NCOR2: variants seen among roughly 807,000 people sequenced by gnomAD.
The protein encoded by NCOR2 is nuclear receptor corepressor 2.
In NCOR2, 81 loss-of-function variants were observed where a neutral mutation model predicts 262.9. The observed-to-expected ratio is 0.31, with a 90% CI of 0.26 to 0.37. NCOR2 has a LOEUF of 0.37. NCOR2 is among the 10% of genes least tolerant of loss of function. The pLI is 1.00. For synonymous variants in NCOR2, 1,659 were observed against 1,559.3 expected (o/e 1.06, Z -1.51); for missense variants, 3,385 against 3,621.4 (o/e 0.93, Z 1.68).
At chr12:124,502,906 G>A (rs1379378307) in intron 1 of NCOR2, among the ~76,000 whole-genome samples, 1 of 152,178 alleles carries the variant, frequency 6.6e-6, no homozygotes, top group African/African-American at 2.4e-5. Flanking sequence ...AGAGAAACGG[G>A]CCTCCACCCA....
rs997715046 is a variant in NCOR2, at chr12:124,437,878, G to A, written c.882+52C>T. 4.8e-5 allele frequency: 75 copies of A among 1,556,748 alleles called. No homozygotes were observed. The African/African-American group carries it at 7.7e-4, about 16-fold the overall frequency. On this transcript the variant is annotated intron_variant, in intron 8 of 46. Transcript: ENST00000405201. ...GGCAGGTGTGGCCCCCTGTGCGCTC[G>A]ATTCTCCCCAGATCTCAAGGAAAGC...
rs753999479 is a variant in NCOR2 at position 124,335,624 on chromosome 12, C to G, written c.6124G>C (p.Gly2042Arg). 3.1e-6 allele frequency: 5 copies of G among 1,600,852 alleles called. No individual in the cohort carries two copies. In the African/African-American group the frequency reaches 4.0e-5, roughly 13 times the overall value. The change falls in exon 39 of 47, where the codon GGC becomes CGC. Residue 2042 changes from glycine (G) to arginine (R), a missense_variant. Physicochemically the swap from Gly to Arg is moderately radical, Grantham distance 125. Coordinates refer to ENST00000405201, the Ensembl canonical transcript of NCOR2. Reference sequence around the variant, plus strand: ...ACCCCTTCGGGGCTGTAGCTGCTGCCGTGGTAACCTAGGGCAGGCGGGGGG... The same window carrying G: ...ACCCCTTCGGGGCTGTAGCTGCTGCGGTGGTAACCTAGGGCAGGCGGGGGG...
chr12:124,458,313 A>G (rs1354369683), intron 5 of NCOR2, among the ~76,000 whole-genome samples: 5 of 152,216 alleles, frequency 3.3e-5, no homozygotes, highest in Admixed American at 3.3e-4. Context: ...CCCGGGCTGC[A>G]GCAGAGAGAG....
Position 124,457,071 on chromosome 12 carries a change from C to T in NCOR2, c.762+35G>A. 7.3e-7 allele frequency: 1 copy of T among 1,374,464 alleles called. No homozygotes were observed. Among genetic ancestry groups the T allele is most frequent in the Non-Finnish European group, 9.8e-7 (1 of 1,021,866 alleles). The allele number at this position is 1,374,464 out of a possible 1,614,324, so 85.1% of individuals were successfully genotyped here. ...GCCCACCTCTCCAGCCACCCCCGCCCTCCCCTGAGCCCCTGACCCTGTACC... is the reference window on the plus strand; with the variant it reads ...GCCCACCTCTCCAGCCACCCCCGCCTTCCCCTGAGCCCCTGACCCTGTACC... On this transcript the variant is annotated intron_variant, in intron 6 of 46. Coordinates refer to ENST00000405201, the Ensembl canonical transcript of NCOR2. The surrounding 1 kb of genome is among the most constrained non-coding windows in gnomAD (Gnocchi z 4.0).
chr12:124,466,424 G>A (rs2046421478), intron 4 of NCOR2, 138 bp from the exon 7 acceptor site: 6 of 716,978 alleles, frequency 8.4e-6, no homozygotes, highest in Non-Finnish European at 1.4e-5. Context: ...CACATTTCCT[G>A]TGAGTCACCC....
chr12:124,491,372 T>C (rs1352207742), intron 1 of NCOR2, among the ~76,000 whole-genome samples: 2 of 152,244 alleles, frequency 1.3e-5, no homozygotes, highest in Non-Finnish European at 2.9e-5. Context: ...CTTAAAACTA[T>C]CCTTGCTCAA....
intron 8 of NCOR2, among the ~76,000 whole-genome samples, chr12:124,434,892 G>C (rs781584813): frequency 6.6e-6 from 1 of 152,210 alleles, no homozygotes; most frequent in Non-Finnish European, 1.5e-5. Flanking sequence ...TGGGTATATA[G>C]ATGTGCCTTG....
intron 22 of NCOR2, among the ~76,000 whole-genome samples, chr12:124,359,903 C>T (rs548186255): frequency 5.3e-4 from 81 of 152,326 alleles, no homozygotes; most frequent in Non-Finnish European, 7.6e-4. Context: ...TGTGTCCCTG[C>T]GGGAGCTGAG....
chr12:124,487,332 G>A (rs1487510963), intron 1 of NCOR2, among the ~76,000 whole-genome samples: 1 of 152,204 alleles, frequency 6.6e-6, no homozygotes, highest in Non-Finnish European at 1.5e-5. Flanking sequence ...TGACCCCAAG[G>A]CCGCCCTGTA....
At chr12:124,374,307 A>C in intron 19 of NCOR2, 106 bp downstream of exon 21, 1 of 1,166,604 alleles carries the variant, frequency 8.6e-7, no homozygotes, top group Non-Finnish European at 1.3e-6. Context: ...GCGCTCACAG[A>C]AAGAGGCATG....
At chr12:124,540,287 G>C (rs529461564), upstream of NCOR2, among the ~76,000 whole-genome samples, 1 of 149,666 alleles carries the variant, frequency 6.7e-6, no homozygotes, top group Admixed American at 6.7e-5. Context: ...ACAGAGGGCC[G>C]AGGAACAGGT....
chr12:124,336,761 C>A, exon 38 of NCOR2: 1 of 1,613,086 alleles, frequency 6.2e-7, no homozygotes, highest in Non-Finnish European at 8.5e-7. Context: ...ACCCAGAGAA[C>A]GGAGTTCCAG....
chr12:124,516,556 G>A (rs535717374), intron 1 of NCOR2, among the ~76,000 whole-genome samples: 1 of 152,244 alleles, frequency 6.6e-6, no homozygotes, highest in South Asian at 2.1e-4. Flanking sequence ...AATTACGGAG[G>A]CCCACCCAGG....
intron 4 of NCOR2, among the ~76,000 whole-genome samples, chr12:124,472,127 G>A (rs2046862131): frequency 1.3e-5 from 2 of 152,224 alleles, no homozygotes; most frequent in East Asian, 3.8e-4. Flanking sequence ...GTACAAGGCT[G>A]ACAGTGGCCT....
intron 13 of NCOR2, among the ~76,000 whole-genome samples, chr12:124,411,231 A>G (rs1353948970): frequency 1.3e-5 from 2 of 151,882 alleles, no homozygotes; most frequent in Non-Finnish European, 2.9e-5. Flanking sequence ...AAGACATGGG[A>G]AGAGAAACAG....
rs549222902 is a variant in NCOR2 at position 124,420,592 on chromosome 12, G to C, written c.1384-537C>G. Reference sequence around the variant, plus strand: ...CCACGCCCCACGCGCCTCTTCCTGGGTTTCCTTCTTTTCTCTGCCTTGGTC... The same window carrying C: ...CCACGCCCCACGCGCCTCTTCCTGGCTTTCCTTCTTTTCTCTGCCTTGGTC... On this transcript the variant is annotated intron_variant, in intron 12 of 46. Transcript: ENST00000405201. 2.0e-4 allele frequency among the ~76,000 whole-genome samples: 30 copies of C among 152,328 alleles called. No homozygotes were observed. The East Asian group carries it at 5.8e-3, about 29-fold the overall frequency.
chr12:124,496,019 C>T (rs2048359687), upstream of NCOR2, among the ~76,000 whole-genome samples: 1 of 152,108 alleles, frequency 6.6e-6, no homozygotes, highest in African/African-American at 2.4e-5. This position sits in a 1 kb window ranked among gnomAD's most constrained non-coding sequence, Gnocchi z 4.4. Flanking sequence ...GGCCCTGCAG[C>T]CTAGGGATAG....
At chr12:124,337,411 T>A (rs1028502071) in intron 37 of NCOR2, 4 of 698,206 alleles carry the variant, frequency 5.7e-6, no homozygotes, top group Admixed American at 2.0e-5. Context: ...AAGCAGCTAC[T>A]AGGTGCCAGG....
intron 16 of NCOR2, among the ~76,000 whole-genome samples, chr12:124,397,347 C>T (rs781498403): frequency 2.2e-4 from 33 of 152,350 alleles, no homozygotes; most frequent in Non-Finnish European, 4.0e-4. Flanking sequence ...ACTCAACAGA[C>T]GGGCAAACCG....
Sources: gnomAD v4.1 joint callset for allele counts (sites outside exome capture counted in the v4.1 genomes callset) on GRCh38, gnomAD v4.1.1 for gene constraint, Gnocchi (gnomAD v3.1) non-coding constraint, MANE v1.5 for transcripts, NCBI Gene and HGNC (gene_info 2026-07-23, HGNC 2026-07-21) for gene names.